The following TRIO variants were observed in gnomAD, a reference collection of about 807,000 sequenced individuals.
The protein encoded by TRIO is trio Rho guanine nucleotide exchange factor.
A neutral mutation model predicts 351.9 loss-of-function variants in TRIO; 58 were observed. That is an observed-to-expected ratio of 0.16 (90% CI 0.13 to 0.21). TRIO has a LOEUF of 0.21. Ranked by LOEUF, TRIO falls within the 10% of genes least tolerant of loss-of-function variation. The pLI is 1.00. For synonymous variants in TRIO, 1,758 were observed against 1,595.7 expected (o/e 1.10, Z -2.42); for missense variants, 3,201 against 4,027.8 (o/e 0.79, Z 5.56).
At chr5:14,381,283 C>A in intron 21 of TRIO, 31 bp downstream of exon 21, 3 of 1,559,304 alleles carry the variant, frequency 1.9e-6, no homozygotes, top group Non-Finnish European at 2.6e-6. Context: ...GTATAGTGGC[C>A]TCTAAGTCGA....
At chr5:14,340,873 G>A (rs1294155813) in intron 11 of TRIO, among the ~76,000 whole-genome samples, 3 of 152,134 alleles carry the variant, frequency 2.0e-5, no homozygotes, top group South Asian at 2.1e-4. Context: ...TTTCTACCTC[G>A]AGGTAGAATG....
rs186845594 is a variant in TRIO, at chr5:14,492,468, G to T, written c.7633-99G>T. On this transcript the variant is annotated intron_variant, in intron 48 of 56. Transcript: ENST00000344204. ...GCTTGCCTGGTGAGCCCTGCACGGGGTCATGGTGCCATGGGGCACACTGAC... is the reference window on the plus strand; with the variant it reads ...GCTTGCCTGGTGAGCCCTGCACGGGTTCATGGTGCCATGGGGCACACTGAC... 167 of 1,534,900 alleles carry T rather than the reference G, an allele frequency of 1.1e-4. 1 individual carries two copies. In the African/African-American group the frequency reaches 1.6e-3, roughly 14 times the overall value.
rs552554888 is a variant in TRIO, at chr5:14,170,320, G to A, written c.157+26438G>A. On this transcript the variant is annotated intron_variant, in intron 1 of 56. Transcript: ENST00000344204. ...GAGATTATAGTAGTTTGTATATACTGTAGTTAGAAAGGTTTGGTTTTGTTT... is the reference window on the plus strand; with the variant it reads ...GAGATTATAGTAGTTTGTATATACTATAGTTAGAAAGGTTTGGTTTTGTTT... Among the ~76,000 whole-genome samples, 48 of 152,164 alleles carry A rather than the reference G, an allele frequency of 3.2e-4. 1 individual carries two copies. The highest frequency in any genetic ancestry group is 1.8e-3 in the Admixed American group (27 of 15,282).
intron 43 of TRIO, 72 bp downstream of exon 43, chr5:14,480,083 A>G: frequency 7.0e-7 from 1 of 1,433,472 alleles, no homozygotes; most frequent in Non-Finnish European, 9.8e-7. Flanking sequence ...AGTTGGGGAA[A>G]GAAGGATTTG....
chr5:14,403,988 CAGGTTGTGGTGAGGGTGT>C (rs1361380516), intron 31 of TRIO, among the ~76,000 whole-genome samples: 2,213 of 97,010 alleles, frequency 0.023, 99 homozygotes, highest in African/African-American at 0.089. Flanking sequence ...GGTGAGGGTG[CAGGTTGTGGTGAGGGTGT>C]AGGTTGTGGT....
At chr5:14,458,348 G>A (rs543270574) in intron 34 of TRIO, among the ~76,000 whole-genome samples, 55 of 152,246 alleles carry the variant, frequency 3.6e-4, no homozygotes, top group African/African-American at 1.3e-3. Flanking sequence ...GACAGATGAG[G>A]CCCCTGCCTT....
At chr5:14,417,640 C>A (rs1749753469) in intron 33 of TRIO, among the ~76,000 whole-genome samples, 1 of 152,212 alleles carries the variant, frequency 6.6e-6, no homozygotes, top group African/African-American at 2.4e-5. Flanking sequence ...CCATAGCCCG[C>A]AGCACACTCT....
chr5:14,477,995 C>T (rs909473710), intron 41 of TRIO, among the ~76,000 whole-genome samples: 1 of 152,042 alleles, frequency 6.6e-6, no homozygotes, highest in Non-Finnish European at 1.5e-5. Context: ...AAATGACAGG[C>T]TTATTTTGTT....
chr5:14,465,338 T>A (rs910996769), intron 36 of TRIO, among the ~76,000 whole-genome samples: 3 of 152,238 alleles, frequency 2.0e-5, no homozygotes, highest in African/African-American at 7.2e-5. Context: ...CACATGTATC[T>A]CAGACAGGTT....
Position 14,286,866 on chromosome 5 carries a change from T to G in TRIO, c.348-5T>G. 9 of 1,610,620 alleles carry G rather than the reference T, an allele frequency of 5.6e-6. No individual in the cohort carries two copies. The highest frequency in any genetic ancestry group is 7.6e-6 in the Non-Finnish European group (9 of 1,178,028). On this transcript the variant is annotated splice_polypyrimidine_tract_variant and splice_region_variant and intron_variant, in intron 3 of 56. Coordinates refer to ENST00000344204, the MANE Select transcript of TRIO (RefSeq NM_007118.4). The surrounding 1 kb of genome is among the most constrained non-coding windows in gnomAD (Gnocchi z 4.4). ...CGTCTTCAGCCATGTTTTCTTTCTCTGCAGCGAGGAGGTCTGCAAGCGTGG... is the reference window on the plus strand; with the variant it reads ...CGTCTTCAGCCATGTTTTCTTTCTCGGCAGCGAGGAGGTCTGCAAGCGTGG...
In TRIO at chr5:14,358,198, G is replaced by A. The variant is rs1743813042; in HGVS notation, c.2067G>A (p.Glu689=). The A allele has an allele frequency of 6.2e-7, 1 of 1,613,222 alleles. No homozygotes were observed. The highest frequency in any genetic ancestry group is 8.5e-7 in the Non-Finnish European group (1 of 1,179,442). The change falls in exon 12 of 57, where the codon GAG becomes GAA. Residue 689 remains glutamate (E), a synonymous_variant. Transcript: ENST00000344204. ...CCCAGCTGTGGACGTGGCTGGAGGA[G>A]CTGCAGAAGGAGCTGCTGGACGACG... ...HVKELWTWLE[E]LQKELLDDVY...
intron 3 of TRIO, among the ~76,000 whole-genome samples, chr5:14,281,545 T>G (rs1254928038): frequency 6.6e-6 from 1 of 151,286 alleles, no homozygotes; most frequent in Non-Finnish European, 1.5e-5. Flanking sequence ...AATTAATATC[T>G]CCATTTAATT....
At position 14,400,977 on chromosome 5, in the gene TRIO, T is replaced by C; in HGVS notation, c.4629T>C (p.Gly1543=). ...YKSKLFTSEL[G]VTEHVEGDPC... is the part of the protein sequence containing the mutation. ...TTTTTATCCAGACCTCAGAGTTGGG[T>C]GTCACAGAACATGTTGAAGGAGACC... Residue 1543 remains glycine (G), a synonymous_variant, in exon 31 of 57, where the codon GGT becomes GGC. Transcript: ENST00000344204. 1 of 1,614,022 alleles carries C rather than the reference T, an allele frequency of 6.2e-7. No individual in the cohort carries two copies. The highest frequency in any genetic ancestry group is 8.5e-7 in the Non-Finnish European group (1 of 1,179,974).
intron 1 of TRIO, among the ~76,000 whole-genome samples, chr5:14,212,117 C>T (rs1038836976): frequency 3.3e-5 from 5 of 151,410 alleles, no homozygotes; most frequent in African/African-American, 7.3e-5. Context: ...GCAGCCTGGG[C>T]GACAGAGTGA....
chr5:14,276,960 A>G (rs375203608), intron 2 of TRIO, among the ~76,000 whole-genome samples: 14 of 152,332 alleles, frequency 9.2e-5, no homozygotes, highest in African/African-American at 2.4e-4. Flanking sequence ...CCTTCTTTCT[A>G]TTATTAAAAT....
At chr5:14,440,662 A>G (rs917582660) in intron 34 of TRIO, among the ~76,000 whole-genome samples, 7 of 152,206 alleles carry the variant, frequency 4.6e-5, no homozygotes, top group African/African-American at 1.2e-4. Flanking sequence ...ATTACAGCAC[A>G]GTGATGTAAC....
intron 54 of TRIO, 61 bp downstream of exon 54, chr5:14,502,718 G>A (rs1757384341): frequency 2.0e-6 from 3 of 1,507,804 alleles, no homozygotes; most frequent in Non-Finnish European, 2.8e-6. Context: ...ACATACCAGA[G>A]AGTGCAGGGA....
At chr5:14,435,269 C>A (rs73749245) in intron 34 of TRIO, among the ~76,000 whole-genome samples, 3 of 152,272 alleles carry the variant, frequency 2.0e-5, no homozygotes, top group East Asian at 3.9e-4. Flanking sequence ...CTAGAGCACC[C>A]GCAGTTTGAA....
intron 8 of TRIO, among the ~76,000 whole-genome samples, chr5:14,309,251 C>A (rs924759754): frequency 6.6e-6 from 1 of 152,216 alleles, no homozygotes; most frequent in African/African-American, 2.4e-5. Context: ...TATTCTCAGG[C>A]AGCAAGAAAC....
Sources: allele counts gnomAD v4.1 joint callset (sites outside exome capture counted in the v4.1 genomes callset), GRCh38; gene constraint gnomAD v4.1.1; non-coding constraint Gnocchi (gnomAD v3.1); transcripts MANE v1.5; gene names NCBI Gene and HGNC (gene_info 2026-07-23, HGNC 2026-07-21).